ZFHX3: variants seen among roughly 807,000 people sequenced by gnomAD.
ZFHX3 encodes zinc finger homeobox 3, also known as zinc finger homeobox protein 3.
In ZFHX3, 42 loss-of-function variants were observed where a neutral mutation model predicts 279.1. The ratio of observed to expected loss-of-function variants is 0.15; its 90% CI spans 0.12 to 0.19. The LOEUF (loss-of-function observed/expected upper bound fraction) is 0.19. Among genes scored for constraint, ZFHX3 ranks in the 10% least tolerant of loss-of-function variants. The probability of loss-of-function intolerance (pLI) is 1.00; values close to 1 mark genes in which losing one functional copy is unlikely to be tolerated. For missense variants in ZFHX3, 4,981 were observed against 4,754.0 expected (o/e 1.05, Z -1.40); for synonymous variants, 2,293 against 1,957.8 (o/e 1.17, Z -4.52).
intron 4 of ZFHX3, among the ~76,000 whole-genome samples, chr16:73,281,153 T>TG (rs1344901606): frequency 2.0e-5 from 3 of 151,990 alleles, no homozygotes; most frequent in African/African-American, 7.3e-5. Context: ...GGAATTGAAA[T>TG]CAGTATGATG....
At chr16:73,501,662 T>C (rs2019240923) in intron 2 of ZFHX3, among the ~76,000 whole-genome samples, 1 of 152,142 alleles carries the variant, frequency 6.6e-6, no homozygotes, top group Non-Finnish European at 1.5e-5. Flanking sequence ...ACCACAACAT[T>C]TATTGAGAAC....
chr16:73,546,248 G>T (rs978689859), intron 2 of ZFHX3, among the ~76,000 whole-genome samples: 1 of 151,908 alleles, frequency 6.6e-6, no homozygotes, highest in Non-Finnish European at 1.5e-5. Flanking sequence ...AAAGAACAGG[G>T]CTACAGAACC....
At chr16:72,928,062 C>G (rs995513615) in intron 3 of ZFHX3, among the ~76,000 whole-genome samples, 4 of 136,716 alleles carry the variant, frequency 2.9e-5, no homozygotes, top group African/African-American at 5.5e-5. Flanking sequence ...GGCCAGGCAA[C>G]GGGTTTAACC....
chr16:73,863,794 T>C (rs1278098474), intron 1 of ZFHX3, among the ~76,000 whole-genome samples: 50 of 152,318 alleles, frequency 3.3e-4, no homozygotes, highest in South Asian at 2.1e-4. Flanking sequence ...AAGAGCTCAA[T>C]AGATGTTCTG....
At chr16:73,516,098 T>C (rs2019516525) in intron 2 of ZFHX3, among the ~76,000 whole-genome samples, 1 of 152,218 alleles carries the variant, frequency 6.6e-6, no homozygotes, top group African/African-American at 2.4e-5. Flanking sequence ...GACCCATGGG[T>C]TCTTTTAAGA....
intron 2 of ZFHX3, among the ~76,000 whole-genome samples, chr16:73,592,800 T>C (rs1048110926): frequency 6.6e-6 from 1 of 151,272 alleles, no homozygotes; most frequent in Non-Finnish European, 1.5e-5. Context: ...AAATGGAAAT[T>C]GAAAAAAACG....
chr16:73,820,077 G>C (rs889370995), intron 1 of ZFHX3, among the ~76,000 whole-genome samples: 8 of 152,122 alleles, frequency 5.3e-5, no homozygotes, highest in Non-Finnish European at 1.2e-4. Context: ...AAGTGACGCA[G>C]GGCCAGTACT....
At chr16:73,261,668 G>GTTATTTTTTTTT (rs2013828740) in intron 4 of ZFHX3, among the ~76,000 whole-genome samples, 1 of 80,716 alleles carries the variant, frequency 1.2e-5, no homozygotes, top group Non-Finnish European at 2.3e-5. Flanking sequence ...TCCTGTGATT[G>GTTATTTTTTTTT]TTTTTTTTTT....
At chr16:73,388,117 T>A (rs969278097) in intron 3 of ZFHX3, among the ~76,000 whole-genome samples, 4 of 151,984 alleles carry the variant, frequency 2.6e-5, no homozygotes, top group Non-Finnish European at 4.4e-5. Flanking sequence ...TGAGAAGCAA[T>A]GCGGCAGGCT....
chr16:73,546,662 GTGCTGCTGTTGC>G (rs1337867360), intron 2 of ZFHX3, among the ~76,000 whole-genome samples: 5 of 145,344 alleles, frequency 3.4e-5, no homozygotes, highest in South Asian at 2.2e-4. Flanking sequence ...AAAGCTTTGG[GTGCTGCTGTTGC>G]TGCTGCTGCT....
chr16:73,803,453 G>A (rs1390218950), intron 1 of ZFHX3, among the ~76,000 whole-genome samples: 1 of 152,132 alleles, frequency 6.6e-6, no homozygotes, highest in Non-Finnish European at 1.5e-5. Flanking sequence ...CAAGATTTAA[G>A]GAAAATAATC....
chr16:72,882,706 T>C (rs146987311), intron 4 of ZFHX3, among the ~76,000 whole-genome samples: 4 of 152,226 alleles, frequency 2.6e-5, no homozygotes, highest in Non-Finnish European at 5.9e-5. Flanking sequence ...GCAGACCAGA[T>C]CATTAGCATA....
At chr16:73,067,919 A>T (rs910694201) in intron 8 of ZFHX3, among the ~76,000 whole-genome samples, 1 of 152,130 alleles carries the variant, frequency 6.6e-6, no homozygotes, top group African/African-American at 2.4e-5. Context: ...GTAAGGTTCA[A>T]TTTAGCACCC....
chr16:73,012,304 G>A (rs1163621637), intron 1 of ZFHX3, among the ~76,000 whole-genome samples: 6 of 152,214 alleles, frequency 3.9e-5, no homozygotes, highest in Admixed American at 3.9e-4. Context: ...ATGGAGCCAT[G>A]TTTCTAGAAC....
intron 5 of ZFHX3, among the ~76,000 whole-genome samples, chr16:73,247,772 A>G (rs111170001): frequency 0.046 from 5,309 of 114,586 alleles, 51 homozygotes; most frequent in East Asian, 0.18. Flanking sequence ...TATATACTGC[A>G]TATATGATGT....
chr16:73,253,970 T>C (rs1388514377), intron 5 of ZFHX3, among the ~76,000 whole-genome samples: 1 of 152,116 alleles, frequency 6.6e-6, no homozygotes, highest in East Asian at 1.9e-4. Context: ...CAAATCTCCA[T>C]CTAAGATAAG....
At chr16:73,662,113 C>T (rs955127839) in intron 2 of ZFHX3, among the ~76,000 whole-genome samples, 1 of 151,868 alleles carries the variant, frequency 6.6e-6, no homozygotes, top group Admixed American at 6.6e-5. Context: ...GCTGCACTCT[C>T]TGATCATGCA....
At chr16:73,464,413 C>T (rs1488183246) in intron 2 of ZFHX3, among the ~76,000 whole-genome samples, 3 of 151,358 alleles carry the variant, frequency 2.0e-5, no homozygotes, top group South Asian at 2.1e-4. Flanking sequence ...TGATCAGCTT[C>T]TCCAACCATT....
chr16:73,401,564 G>A (rs948799831), intron 3 of ZFHX3: 8 of 151,984 alleles, frequency 5.3e-5, no homozygotes, highest in African/African-American at 1.9e-4. Context: ...CAGCGACAGG[G>A]GACGTGCTGA....
Sources: gnomAD v4.1 joint callset for allele counts (sites outside exome capture counted in the v4.1 genomes callset) on GRCh38, gnomAD v4.1.1 for gene constraint, MANE v1.5 for transcripts, NCBI Gene and HGNC (gene_info 2026-07-23, HGNC 2026-07-21) for gene names.